CASP9: variants seen among roughly 807,000 people sequenced by gnomAD.
CASP9 encodes the protein caspase-9.
CASP9 carries 29 observed loss-of-function variants against 43.5 expected under a neutral mutation model. The ratio of observed to expected loss-of-function variants is 0.67; its 90% CI spans 0.50 to 0.91. The LOEUF is 0.91. Ranked by LOEUF, CASP9 falls within the 40% of genes least tolerant of loss-of-function variation. The probability of loss-of-function intolerance (pLI) is 0.00; values close to 1 mark genes in which losing one functional copy is unlikely to be tolerated. For synonymous variants in CASP9, 206 were observed against 211.9 expected (o/e 0.97, Z 0.24); for missense variants, 575 against 537.4 (o/e 1.07, Z -0.69).
upstream of CASP9, chr1:15,524,850 AC>A (rs1483360759): frequency 5.2e-5 from 44 of 852,158 alleles, no homozygotes; most frequent in Non-Finnish European, 5.5e-5. Flanking sequence ...CTCAGGACGC[AC>A]CTCAGCGCCT....
chr1:15,496,201 A>G (rs891856770), intron 6 of CASP9, among the ~76,000 whole-genome samples: 1 of 152,222 alleles, frequency 6.6e-6, no homozygotes, highest in Non-Finnish European at 1.5e-5. Context: ...AAAAAAGCAC[A>G]TGACAAAATT....
At chr1:15,512,172 T>C (rs1005386192) in intron 2 of CASP9, among the ~76,000 whole-genome samples, 1 of 152,202 alleles carries the variant, frequency 6.6e-6, no homozygotes, top group African/African-American at 2.4e-5. Flanking sequence ...AGCCAACTTC[T>C]ACTTTCAAGG....
intron 8 of CASP9, chr1:15,493,513 G>C: frequency 7.4e-7 from 1 of 1,347,294 alleles, no homozygotes; most frequent in South Asian, 2.0e-5. Flanking sequence ...CACAATTCTT[G>C]AGGGTCAAGA....
chr1:15,524,251 C>T, upstream of CASP9: 1 of 1,521,958 alleles, frequency 6.6e-7, no homozygotes, highest in Non-Finnish European at 8.8e-7. Context: ...TTCCGGGCCT[C>T]GGCCGCCCGC....
At chr1:15,503,377 C>T (rs927310006) in intron 6 of CASP9, among the ~76,000 whole-genome samples, 1 of 152,164 alleles carries the variant, frequency 6.6e-6, no homozygotes, top group Non-Finnish European at 1.5e-5. Flanking sequence ...TGGCCCAGGG[C>T]TGTGTGATAG....
At chr1:15,515,239 T>C (rs1709907211) in intron 2 of CASP9, among the ~76,000 whole-genome samples, 1 of 152,200 alleles carries the variant, frequency 6.6e-6, no homozygotes, top group East Asian at 1.9e-4. Flanking sequence ...CTGCCTCCTT[T>C]ACAGGATGGT....
At chr1:15,515,180 G>T (rs182064549) in intron 2 of CASP9, among the ~76,000 whole-genome samples, 1 of 152,258 alleles carries the variant, frequency 6.6e-6, no homozygotes, top group Admixed American at 6.5e-5. Flanking sequence ...AATGACTCAC[G>T]TTGACATTTC....
Position 15,504,717 on chromosome 1 carries a change from A to C in CASP9, c.762T>G (p.Asp254Glu), listed in dbSNP as rs1189925709. 1 of 1,614,172 alleles carries C rather than the reference A, an allele frequency of 6.2e-7. No homozygotes were observed. The change falls in exon 6 of 9, where the codon GAT (aspartate) becomes GAG (glutamate). Residue 254 changes from aspartate (D) to glutamate (E), a missense_variant. Transcript: ENST00000333868. ...TCTTCTCGACCGACACAGGGCATCC[A>C]TCTGTGCCGTAGACAGCCCCTGGGA... ...LQFPGAVYGT[D>E]GCPVSVEKIV...
intron 1 of CASP9, among the ~76,000 whole-genome samples, chr1:15,518,755 A>G (rs1162169300): frequency 6.6e-6 from 1 of 152,266 alleles, no homozygotes. Context: ...TAGCGAATTC[A>G]GAGTCTTATG....
chr1:15,508,087 C>T (rs561826740), intron 2 of CASP9, among the ~76,000 whole-genome samples, 180 bp from the exon 3 acceptor site: 27 of 152,316 alleles, frequency 1.8e-4, no homozygotes, highest in Admixed American at 2.6e-4. Flanking sequence ...TAAACACACA[C>T]CTACCCTCTG....
chr1:15,519,070 G>T lies in CASP9; in HGVS notation c.133-675C>A, dbSNP rs1016045029. 4.6e-5 allele frequency among the ~76,000 whole-genome samples: 7 copies of T among 151,426 alleles called. No individual in the cohort carries two copies. In the South Asian group the frequency reaches 1.0e-3, roughly 22 times the overall value. On this transcript the variant is annotated intron_variant, in intron 1 of 8. Coordinates refer to ENST00000333868, the MANE Select transcript of CASP9 (RefSeq NM_001229.5). ...TTTTTTTATTTTTAGTAGAAACAGG[G>T]TTTCACCATGTTGCCCAGGCTGGTC...
At chr1:15,505,640 G>C (rs1438974937) in intron 5 of CASP9, among the ~76,000 whole-genome samples, 1 of 152,174 alleles carries the variant, frequency 6.6e-6, no homozygotes, top group Non-Finnish European at 1.5e-5. Flanking sequence ...CAGCAGCAAG[G>C]GGCCTGGGGC....
chr1:15,496,724 C>T (rs1709115962), intron 6 of CASP9, among the ~76,000 whole-genome samples: 1 of 152,122 alleles, frequency 6.6e-6, no homozygotes, highest in Non-Finnish European at 1.5e-5. Flanking sequence ...ATGAAAACTA[C>T]AAAACATTGC....
chr1:15,524,795 G>A, upstream of CASP9: 3 of 988,608 alleles, frequency 3.0e-6, no homozygotes, highest in Non-Finnish European at 2.4e-6. Context: ...GCATCTAGAA[G>A]GTCTCGCCCC....
At chr1:15,516,770 GA>G (rs756789375) in intron 2 of CASP9, among the ~76,000 whole-genome samples, 7 of 152,230 alleles carry the variant, frequency 4.6e-5, no homozygotes, top group Non-Finnish European at 1.0e-4. Context: ...GCTAACTGCA[GA>G]AACAACACAA....
At chr1:15,521,451 C>T (rs1710196124) in intron 1 of CASP9, among the ~76,000 whole-genome samples, 1 of 152,164 alleles carries the variant, frequency 6.6e-6, no homozygotes, top group African/African-American at 2.4e-5. Context: ...CTTTCATGTT[C>T]CTCCCGTACT....
intron 1 of CASP9, among the ~76,000 whole-genome samples, chr1:15,518,719 T>C (rs1710058471): frequency 6.6e-6 from 1 of 152,188 alleles, no homozygotes; most frequent in Non-Finnish European, 1.5e-5. Context: ...GGGAAGCACA[T>C]GGGGCTGAGG....
At chr1:15,519,654 G>A (rs1329753677) in intron 1 of CASP9, among the ~76,000 whole-genome samples, 1 of 152,184 alleles carries the variant, frequency 6.6e-6, no homozygotes, top group Non-Finnish European at 1.5e-5. Context: ...TACAAAGAGA[G>A]AGGGTCCATA....
intron 5 of CASP9, 71 bp downstream of exon 5, chr1:15,505,919 T>G: frequency 1.7e-6 from 2 of 1,191,038 alleles, no homozygotes; most frequent in Non-Finnish European, 2.5e-6. Flanking sequence ...AGAAGGGACA[T>G]GGCCCCTGCA....
Sources: allele counts gnomAD v4.1 joint callset (sites outside exome capture counted in the v4.1 genomes callset), GRCh38; gene constraint gnomAD v4.1.1; transcripts MANE v1.5; gene names NCBI Gene and HGNC (gene_info 2026-07-23, HGNC 2026-07-21).